Variants in NPAT observed in about 807,000 individuals in gnomAD.
The protein encoded by NPAT is protein NPAT.
A neutral mutation model predicts 130.7 loss-of-function variants in NPAT; 52 were observed. The observed-to-expected ratio is 0.40, with a 90% CI of 0.32 to 0.50. The LOEUF (loss-of-function observed/expected upper bound fraction) is 0.50. Ranked by LOEUF, NPAT falls within the 20% of genes least tolerant of loss-of-function variation. The pLI is 0.68. For missense variants in NPAT, 1,687 were observed against 1,662.6 expected, an observed-to-expected ratio of 1.01 and a Z score of -0.26; for synonymous variants, 580 against 584.8, an observed-to-expected ratio of 0.99 and a Z score of 0.12.
intron 1 of NPAT, among the ~76,000 whole-genome samples, chr11:108,203,107 T>C (rs1320770342): frequency 6.6e-6 from 1 of 152,168 alleles, no homozygotes; most frequent in Admixed American, 6.5e-5. Context: ...CTGCCCTGTA[T>C]TACTTTTCTT....
At chr11:108,164,162 A>G (rs2077879117) in intron 15 of NPAT, among the ~76,000 whole-genome samples, 1 of 152,216 alleles carries the variant, frequency 6.6e-6, no homozygotes, top group African/African-American at 2.4e-5. Context: ...ACTAGCTAAG[A>G]GTGAGGAGGA....
At position 108,193,925 on chromosome 11, in the gene NPAT, T is replaced by G. The variant is rs1418839003; in HGVS notation, c.217+32A>C. 4 of 1,289,690 alleles carry G rather than the reference T, an allele frequency of 3.1e-6. No individual in the cohort carries two copies. In the South Asian group the frequency reaches 3.6e-5, roughly 12 times the overall value. 79.9% of individuals were successfully genotyped at this position (1,289,690 alleles called of 1,614,324 possible). On this transcript the variant is annotated intron_variant, in intron 3 of 17. Coordinates refer to ENST00000278612, the MANE Select transcript of NPAT (RefSeq NM_002519.3). ...ATCAAGTAGATAAATATTGTATACA[T>G]CAGCAAAAAAACTCCAAATCAGAAC...
intron 10 of NPAT, 25 bp downstream of exon 10, chr11:108,185,207 C>T: frequency 1.3e-6 from 2 of 1,490,980 alleles, no homozygotes. Flanking sequence ...ACACACGCAC[C>T]CATGCACACC....
At chr11:108,197,539 C>T (rs2078234956) in intron 1 of NPAT, 119 bp from the exon 2 acceptor site, 1 of 755,594 alleles carries the variant, frequency 1.3e-6, no homozygotes, top group Non-Finnish European at 2.4e-6. Flanking sequence ...GTGGAATGCT[C>T]TAGTGTTTGG....
intron 10 of NPAT, among the ~76,000 whole-genome samples, chr11:108,183,717 G>A (rs1038479395): frequency 1.3e-5 from 2 of 152,114 alleles, no homozygotes; most frequent in Admixed American, 6.5e-5. Flanking sequence ...CAGGAGAATC[G>A]TTTGAACTCA....
intron 1 of NPAT, chr11:108,208,625 T>C (rs1357332055): frequency 6.0e-6 from 2 of 331,066 alleles, no homozygotes; most frequent in African/African-American, 2.2e-5. Flanking sequence ...ATAACACTTA[T>C]AAACATAAAT....
At chr11:108,194,284 C>T (rs1021696147) in intron 2 of NPAT, among the ~76,000 whole-genome samples, 1 of 152,180 alleles carries the variant, frequency 6.6e-6, no homozygotes, top group Non-Finnish European at 1.5e-5. Context: ...GACAGCTATA[C>T]ATACATGTAC....
chr11:108,196,863 A>G lies in NPAT; in HGVS notation c.156+439T>C, dbSNP rs149784202. ...GGAGCCATGATTAAAATAAAATGGC[A>G]AACACCATGTGAAATGATGTAGTTC... is the stretch of plus-strand genomic sequence containing the variant. On this transcript the variant is annotated intron_variant, in intron 2 of 17. Transcript: ENST00000278612. Among the ~76,000 whole-genome samples, 1,040 of 152,338 alleles carry G rather than the reference A, an allele frequency of 6.8e-3. 16 individuals are homozygous for G. Among genetic ancestry groups the G allele is most frequent in the African/African-American group, 0.023 (964 of 41,568 alleles).
intron 5 of NPAT, 76 bp from the exon 6 acceptor site, chr11:108,189,406 A>C: frequency 1.7e-6 from 2 of 1,182,432 alleles, no homozygotes; most frequent in Non-Finnish European, 2.5e-6. Flanking sequence ...AATATGATGC[A>C]ACCTATTATA....
At chr11:108,179,927 A>G (rs1335048078) in intron 10 of NPAT, among the ~76,000 whole-genome samples, 1 of 152,274 alleles carries the variant, frequency 6.6e-6, no homozygotes. Context: ...ACTACATCCA[A>G]TGTTAAAACC....
intron 1 of NPAT, among the ~76,000 whole-genome samples, chr11:108,207,047 C>T (rs2078332952): frequency 6.6e-6 from 1 of 151,736 alleles, no homozygotes; most frequent in Non-Finnish European, 1.5e-5. Context: ...GTCATCCTGA[C>T]GAGTGTCCAA....
intron 15 of NPAT, among the ~76,000 whole-genome samples, chr11:108,168,505 G>T (rs2077921012): frequency 1.3e-5 from 2 of 152,122 alleles, no homozygotes; most frequent in Admixed American, 6.5e-5. Context: ...TTAAGGAAAG[G>T]CTGATTTGAT....
rs143507265 is a variant in NPAT at position 108,203,464 on chromosome 11, A to G, written c.38-6044T>C. 6.8e-3 allele frequency among the ~76,000 whole-genome samples: 1,038 copies of G among 152,218 alleles called. 15 individuals are homozygous for G. Among genetic ancestry groups the G allele is most frequent in the African/African-American group, 0.023 (962 of 41,532 alleles). On this transcript the variant is annotated intron_variant, in intron 1 of 17. Coordinates refer to ENST00000278612, the MANE Select transcript of NPAT (RefSeq NM_002519.3). ...AAATGTCACTGGAAAATATTCTTAG[A>G]TTCATCATACTCGAGTAAAGGCCTG...
intron 15 of NPAT, among the ~76,000 whole-genome samples, chr11:108,166,323 C>T (rs1436259997): frequency 2.0e-5 from 3 of 151,860 alleles, no homozygotes; most frequent in African/African-American, 4.8e-5. Context: ...ACCCGGGAGG[C>T]GAAGGTAGCA....
chr11:108,188,146 T>C lies in NPAT; in HGVS notation c.590A>G (p.Gln197Arg), dbSNP rs2078126865. 6 of 1,613,754 alleles carry C rather than the reference T, an allele frequency of 3.7e-6. No homozygotes were observed. The highest frequency in any genetic ancestry group is 1.3e-5 in the African/African-American group (1 of 75,014). ...TAAACTGGCATGTGCTTTCTTTTCC[T>C]GAGCACCAGGAATGACATTTAAAGC... The part of the protein sequence containing the change: ...GEALNVIPGA[Q>R]EKKAHASLMS... The change falls in exon 7 of 18, where the codon CAG (glutamine) becomes CGG (arginine). Residue 197 changes from glutamine (Q) to arginine (R), a missense_variant. By Grantham distance (43) the Gln-to-Arg change is conservative. Transcript: ENST00000278612.
intron 1 of NPAT, among the ~76,000 whole-genome samples, chr11:108,201,705 G>A (rs926809465): frequency 3.9e-5 from 6 of 152,334 alleles, no homozygotes; most frequent in Admixed American, 3.9e-4. Flanking sequence ...TAATGTGGCA[G>A]GACTGCTGTT....
chr11:108,161,289 G>A lies in NPAT; in HGVS notation c.3797C>T (p.Pro1266Leu), dbSNP rs775617879. ...CCCTGAGCCAGGTGTCCGGGGCACA[G>A]GTAAATCACTACTATCAGCAAGCCT... is the stretch of plus-strand genomic sequence containing the variant. ...VSRLADSSDL[P>L]VPRTPGSGAG... Residue 1266 changes from proline (P) to leucine (L), a missense_variant, in exon 17 of 18, where the codon CCT becomes CTT. By Grantham distance (98) the Pro-to-Leu change is moderately conservative. This residue lies in a region of NPAT where 1,379 missense variants were observed against 1,346.6 expected (regional missense o/e 1.02). Transcript: ENST00000278612. 1.2e-5 allele frequency: 19 copies of A among 1,614,058 alleles called. No individual in the cohort carries two copies. The highest frequency in any genetic ancestry group is 1.5e-5 in the Non-Finnish European group (18 of 1,180,050).
In NPAT at chr11:108,173,776, T is replaced by C; in HGVS notation, c.1208A>G (p.Asn403Ser). Residue 403 changes from asparagine to serine, a missense_variant, in exon 13 of 18, where the codon AAC (asparagine) becomes AGC (serine). Asn to Ser is a conservative substitution (Grantham distance 46, BLOSUM62 1). Coordinates refer to ENST00000278612, the MANE Select transcript of NPAT (RefSeq NM_002519.3). ...TTCTTGTCTAAGCACATCATGGTTG[T>C]TGCTATTCTTCAAAGCATTTAATGG... Reference protein sequence around the residue: ...DDPLNALKNSNNHDVLRQEDQ... With the variant: ...DDPLNALKNSSNHDVLRQEDQ... The C allele has an allele frequency of 2.5e-6, 4 of 1,614,194 alleles. No individual in the cohort carries two copies. Among genetic ancestry groups the C allele is most frequent in the Non-Finnish European group, 3.4e-6 (4 of 1,180,024 alleles).
intron 4 of NPAT, among the ~76,000 whole-genome samples, chr11:108,191,490 A>G (rs1032263846): frequency 1.3e-5 from 2 of 152,242 alleles, no homozygotes; most frequent in African/African-American, 4.8e-5. Flanking sequence ...AAATATAAAG[A>G]TAAGACTACC....
Sources: gnomAD v4.1 joint callset for allele counts (sites outside exome capture counted in the v4.1 genomes callset) on GRCh38, gnomAD v4.1.1 for gene constraint, gnomAD v4.1.1 regional missense constraint, MANE v1.5 for transcripts, NCBI Gene and HGNC (gene_info 2026-07-23, HGNC 2026-07-21) for gene names.